PCLO: variants seen among roughly 807,000 people sequenced by gnomAD.
PCLO encodes protein piccolo.
Under a neutral mutation model 427.5 loss-of-function variants are expected in PCLO, and 82 were observed. That is an observed-to-expected ratio of 0.19 (90% CI 0.16 to 0.23). The LOEUF (loss-of-function observed/expected upper bound fraction) is 0.23, where lower values mean the gene tolerates loss of function less well. Among genes scored for constraint, PCLO ranks in the 10% least tolerant of loss-of-function variants. PCLO has a pLI of 1.00. For missense variants in PCLO, 6,239 were observed against 6,115.9 expected (o/e 1.02, Z -0.67); for synonymous variants, 2,357 against 2,155.4 (o/e 1.09, Z -2.59).
intron 3 of PCLO, among the ~76,000 whole-genome samples, chr7:82,970,316 C>T (rs774843818): frequency 6.6e-5 from 10 of 151,924 alleles, no homozygotes; most frequent in Admixed American, 2.0e-4. Context: ...AACTGTAATC[C>T]AGTGAAGGTT....
intron 8 of PCLO, among the ~76,000 whole-genome samples, chr7:82,903,608 G>A (rs940406354): frequency 1.3e-5 from 2 of 151,850 alleles, no homozygotes; most frequent in Non-Finnish European, 2.9e-5. Context: ...AAAGAGATTT[G>A]TGAAATAATG....
At chr7:83,024,878 C>T (rs181589469) in intron 3 of PCLO, among the ~76,000 whole-genome samples, 1 of 152,118 alleles carries the variant, frequency 6.6e-6, no homozygotes, top group East Asian at 1.9e-4. Flanking sequence ...TACTCCAACA[C>T]CTGCAGCTGA....
Position 82,950,426 on chromosome 7 carries a change from G to A in PCLO, c.10162C>T (p.Pro3388Ser). Reference sequence around the variant, plus strand: ...TCTGAAACAGTGCTCAGGATACCAGGTGGGGCAATGTACTGAGTAACACCA... The same window carrying A: ...TCTGAAACAGTGCTCAGGATACCAGATGGGGCAATGTACTGAGTAACACCA... ...SDGVTQYIAP[P>S]GILSTVSEIP... Residue 3388 changes from proline to serine, a missense_variant, in exon 6 of 25, where the codon CCT (proline) becomes TCT (serine). By Grantham distance (74) the Pro-to-Ser change is moderately conservative. Transcript: ENST00000333891. 1.2e-6 allele frequency: 2 copies of A among 1,613,704 alleles called. No individual in the cohort carries two copies. Among genetic ancestry groups the A allele is most frequent in the South Asian group, 2.2e-5 (2 of 91,062 alleles).
intron 6 of PCLO, among the ~76,000 whole-genome samples, chr7:82,923,249 A>G (rs1794638539): frequency 6.6e-6 from 1 of 152,074 alleles, no homozygotes; most frequent in African/African-American, 2.4e-5. Flanking sequence ...CAGGGAAAAT[A>G]AGAAACTTAA....
chr7:83,128,457 G>C (rs1199847532), intron 3 of PCLO, among the ~76,000 whole-genome samples: 1 of 152,050 alleles, frequency 6.6e-6, no homozygotes, highest in African/African-American at 2.4e-5. Flanking sequence ...CAGCACACGT[G>C]ACCAGTGACT....
At position 83,155,084 on chromosome 7, in the gene PCLO, G is replaced by C. The variant is rs765289580; in HGVS notation, c.1557C>G (p.Pro519=). 3.1e-6 allele frequency: 5 copies of C among 1,604,134 alleles called. No individual in the cohort carries two copies. In the East Asian group the frequency reaches 1.1e-4, roughly 36 times the overall value. The stretch of plus-strand genomic sequence containing the variant: ...TTGTTGAGCCAGGCTGTTGAGGTGA[G>C]GGCTTTGCTGGGCCAGGCTGTTGAG... The part of the protein sequence containing the change: ...PPPQQPGPAK[P]SPQQPGSTKP... The change falls in exon 2 of 25, where the codon CCC becomes CCG. Residue 519 remains proline, a synonymous_variant. Coordinates refer to ENST00000333891, the MANE Select transcript of PCLO (RefSeq NM_033026.6).
At chr7:82,940,755 CTT>C (rs71531190) in intron 6 of PCLO, among the ~76,000 whole-genome samples, 3,746 of 109,080 alleles carry the variant, frequency 0.034, 47 homozygotes, top group African/African-American at 0.1. Flanking sequence ...TTTTTTCTTT[CTT>C]TTTTTTTTTT....
intron 3 of PCLO, among the ~76,000 whole-genome samples, chr7:83,130,160 GTTATTAT>G (rs1791535230): frequency 2.0e-5 from 3 of 146,536 alleles, no homozygotes; most frequent in African/African-American, 7.4e-5. Context: ...TGTTGTTGTT[GTTATTAT>G]TTGAGACGAA....
At chr7:82,974,393 G>C (rs575396069) in intron 3 of PCLO, among the ~76,000 whole-genome samples, 4 of 152,138 alleles carry the variant, frequency 2.6e-5, no homozygotes, top group Non-Finnish European at 5.9e-5. Context: ...AGTTTAATCA[G>C]AGTTATTAGA....
At chr7:83,133,760 C>T (rs1791634202) in intron 3 of PCLO, among the ~76,000 whole-genome samples, 1 of 151,942 alleles carries the variant, frequency 6.6e-6, no homozygotes, top group African/African-American at 2.4e-5. Context: ...CTGTTCTTAA[C>T]ATAGTAGATT....
intron 9 of PCLO, among the ~76,000 whole-genome samples, chr7:82,891,596 G>A (rs1793767464): frequency 6.6e-6 from 1 of 152,042 alleles, no homozygotes; most frequent in South Asian, 2.1e-4. Flanking sequence ...GTGACAGAGG[G>A]CATCCCTGTC....
chr7:83,012,258 C>G (rs1788099117), intron 3 of PCLO, among the ~76,000 whole-genome samples: 1 of 152,058 alleles, frequency 6.6e-6, no homozygotes, highest in African/African-American at 2.4e-5. Flanking sequence ...GGGGAAGTTA[C>G]TACTGAGTTC....
chr7:83,092,876 G>A (rs1035440413), intron 3 of PCLO, among the ~76,000 whole-genome samples: 5 of 146,888 alleles, frequency 3.4e-5, no homozygotes, highest in East Asian at 2.0e-4. Flanking sequence ...GAGTGTGGGA[G>A]GCAGAGGTTG....
At chr7:82,974,989 G>A (rs1203563761) in intron 3 of PCLO, among the ~76,000 whole-genome samples, 2 of 152,020 alleles carry the variant, frequency 1.3e-5, no homozygotes, top group Non-Finnish European at 2.9e-5. Flanking sequence ...GTATTAGCCA[G>A]GATTGTCTCG....
chr7:82,881,747 G>T (rs1793513271), intron 9 of PCLO, among the ~76,000 whole-genome samples: 1 of 152,030 alleles, frequency 6.6e-6, no homozygotes, highest in Non-Finnish European at 1.5e-5. Flanking sequence ...TGGGCTCAGG[G>T]ATCCTCCCAC....
chr7:82,873,593 T>G (rs1226210012), intron 10 of PCLO, among the ~76,000 whole-genome samples: 5 of 152,140 alleles, frequency 3.3e-5, no homozygotes, highest in Admixed American at 1.3e-4. Flanking sequence ...CACTATTAAG[T>G]GCAAATGAAT....
intron 6 of PCLO, among the ~76,000 whole-genome samples, chr7:82,948,306 C>A (rs537351442): frequency 2.8e-5 from 4 of 141,466 alleles, no homozygotes; most frequent in Non-Finnish European, 4.7e-5. Flanking sequence ...AAAAAAAAAA[C>A]GTAATAACGC....
chr7:83,070,497 C>G (rs1362335216), intron 3 of PCLO, among the ~76,000 whole-genome samples: 1 of 151,666 alleles, frequency 6.6e-6, no homozygotes, highest in Non-Finnish European at 1.5e-5. Context: ...ACGCCATTCT[C>G]CTGCCTCAGC....
chr7:82,774,978 A>G (rs1376431146), intron 22 of PCLO, among the ~76,000 whole-genome samples: 1 of 152,182 alleles, frequency 6.6e-6, no homozygotes, highest in Non-Finnish European at 1.5e-5. Context: ...AATGTCGTAT[A>G]GTTGAAACGA....
Sources: gnomAD v4.1 joint callset for allele counts (sites outside exome capture counted in the v4.1 genomes callset) on GRCh38, gnomAD v4.1.1 for gene constraint, MANE v1.5 for transcripts, NCBI Gene and HGNC (gene_info 2026-07-23, HGNC 2026-07-21) for gene names.